The following OR2L5 variants were observed in gnomAD, a reference collection of about 807,000 sequenced individuals.
The protein encoded by OR2L5 is olfactory receptor 2L5.
For synonymous variants in OR2L5, 169 were observed against 142.0 expected (o/e 1.19, Z -1.35); for missense variants, 413 against 381.6 (o/e 1.08, Z -0.69).
Position 248,022,299 on chromosome 1 carries a change from G to A in OR2L5, c.352G>A (p.Ala118Thr), listed in dbSNP as rs1307773858. 1 of 1,614,130 alleles carries A rather than the reference G, an allele frequency of 6.2e-7. No individual in the cohort carries two copies. Among genetic ancestry groups the A allele is most frequent in the Admixed American group, 1.7e-5 (1 of 60,010 alleles). ...GAEALLLTSM[A>T]YDRYVAICFP... is the part of the protein sequence containing the mutation. ...AGAAGCGCTGCTCCTGACATCAATG[G>A]CCTATGATCGTTATGTGGCCATTTG... The change falls in exon 2 of 2, where the codon GCC (alanine) becomes ACC (threonine). Residue 118 changes from alanine to threonine, a missense_variant. By Grantham distance (58) the Ala-to-Thr change is moderately conservative (BLOSUM62 0). Transcript: ENST00000355281.
chr1:248,022,144 C>T lies in OR2L5; in HGVS notation c.197C>T (p.Ser66Phe). The change falls in exon 2 of 2, where the codon TCC becomes TTC. Residue 66 changes from serine to phenylalanine, a missense_variant. Ser to Phe is a radical substitution (Grantham distance 155). Coordinates refer to ENST00000355281, the MANE Select transcript of OR2L5 (RefSeq NM_001258284.2). ...TPMYFLLSQL[S>F]LIDLNYISTI... is the part of the protein sequence containing the mutation. The stretch of plus-strand genomic sequence containing the variant: ...ATGTATTTCCTGCTTAGTCAGCTCT[C>T]CCTCATTGACCTAAATTACATCTCT... 6.2e-7 allele frequency: 1 copy of T among 1,613,964 alleles called. No homozygotes were observed. The highest frequency in any genetic ancestry group is 8.5e-7 in the Non-Finnish European group (1 of 1,179,876).
intron 1 of OR2L5, among the ~76,000 whole-genome samples, chr1:248,019,726 C>CTCCT: frequency 6.7e-6 from 1 of 149,918 alleles, no homozygotes. Context: ...CGTCCTCCTC[C>CTCCT]TCCTTCCTTC....
chr1:248,016,726 G>A (rs1463963210), intron 1 of OR2L5, among the ~76,000 whole-genome samples: 6 of 151,602 alleles, frequency 4.0e-5, no homozygotes, highest in Non-Finnish European at 7.4e-5. Flanking sequence ...ATTTATATAT[G>A]TAACATATAT....
At position 248,021,928 on chromosome 1, in the gene OR2L5, A is replaced by T. The variant is rs757328502; in HGVS notation, c.-20A>T. The T allele has an allele frequency of 5.7e-6, 9 of 1,590,298 alleles. No homozygotes were observed. The highest frequency in any genetic ancestry group is 7.7e-6 in the Non-Finnish European group (9 of 1,162,956). Reference sequence around the variant, plus strand: ...ACTTACCCTTGTGTCTCCCTTCAGGAAGGATCGTATGAATGCCCCATGGAA... The same window carrying T: ...ACTTACCCTTGTGTCTCCCTTCAGGTAGGATCGTATGAATGCCCCATGGAA... On this transcript the variant is annotated splice_region_variant and 5_prime_UTR_variant, in exon 2 of 2. Transcript: ENST00000355281.
Position 248,023,494 on chromosome 1 carries a change from G to GACT in OR2L5, c.*608_*609insACT, listed in dbSNP as rs1439846577. On this transcript the variant is annotated 3_prime_UTR_variant, in exon 2 of 2. Transcript: ENST00000355281. The stretch of plus-strand genomic sequence containing the variant: ...TGACTTAGACTTAGTTGAATGTGGA[G>GACT]TAGGTTATTTGAACCATTCCCCAGT... The GACT allele has an allele frequency of 6.6e-6, 1 of 152,186 alleles. No homozygotes were observed. Among genetic ancestry groups the GACT allele is most frequent in the East Asian group, 1.9e-4 (1 of 5,196 alleles). The allele number at this position is 152,186 out of a possible 1,614,324, so 9.4% of individuals were successfully genotyped here. A position where few individuals can be genotyped will look rare whatever the true frequency, so the allele number is the denominator to read the frequency against.
chr1:248,020,423 C>T (rs1662308561), intron 1 of OR2L5, among the ~76,000 whole-genome samples: 1 of 152,118 alleles, frequency 6.6e-6, no homozygotes, highest in Non-Finnish European at 1.5e-5. Context: ...GTTCTATTCA[C>T]CAACAGCAGC....
At chr1:248,020,132 C>T (rs887721411) in intron 1 of OR2L5, among the ~76,000 whole-genome samples, 13 of 152,250 alleles carry the variant, frequency 8.5e-5, no homozygotes, top group African/African-American at 3.1e-4. Context: ...CAATGCCATA[C>T]TGTTTTGATT....
intron 1 of OR2L5, among the ~76,000 whole-genome samples, chr1:248,019,554 A>T (rs1662286985): frequency 6.6e-6 from 1 of 152,164 alleles, no homozygotes; most frequent in African/African-American, 2.4e-5. Flanking sequence ...TATATGGTGT[A>T]AAGTAAGCAT....
chr1:248,021,169 C>G (rs1398760176), intron 1 of OR2L5, among the ~76,000 whole-genome samples: 1 of 152,022 alleles, frequency 6.6e-6, no homozygotes, highest in East Asian at 1.9e-4. Flanking sequence ...TCAAACATTC[C>G]TATCCTTTTG....
Position 248,024,093 on chromosome 1 carries a change from C to CGTGCAGGTTTGTTACACAGGT in OR2L5, c.*1208_*1228dup, listed in dbSNP as rs1662415926. 1 of 151,846 alleles carries CGTGCAGGTTTGTTACACAGGT rather than the reference C, an allele frequency of 6.6e-6. No individual in the cohort carries two copies. 9.4% of individuals were successfully genotyped at this position (151,846 alleles called of 1,614,324 possible). A position where few individuals can be genotyped will look rare whatever the true frequency, so the allele number is the denominator to read the frequency against. On this transcript the variant is annotated 3_prime_UTR_variant, in exon 2 of 2. Transcript: ENST00000355281. Reference sequence around the variant, plus strand: ...GGGGTTCTGGCATATGTGAGCAGAACGTGCAGGTTTGTTACACAGGTATAC... The same window carrying CGTGCAGGTTTGTTACACAGGT: ...GGGGTTCTGGCATATGTGAGCAGAACGTGCAGGTTTGTTACACAGGTGTGCAGGTTTGTTACACAGGTATAC...
intron 1 of OR2L5, among the ~76,000 whole-genome samples, chr1:248,014,608 T>G (rs1437253983): frequency 1.3e-5 from 2 of 152,150 alleles, no homozygotes; most frequent in Non-Finnish European, 2.9e-5. Context: ...GAAGGCTATA[T>G]TACTCTACAG....
chr1:248,021,887 G>T (rs1662343373), intron 1 of OR2L5, 40 bp from the exon 2 acceptor site: 5 of 1,352,702 alleles, frequency 3.7e-6, no homozygotes, highest in Non-Finnish European at 4.1e-6. Context: ...CAGATAATGG[G>T]GAACTACTGT....
chr1:248,015,151 G>C (rs1662160258), intron 1 of OR2L5, among the ~76,000 whole-genome samples: 1 of 152,186 alleles, frequency 6.6e-6, no homozygotes, highest in South Asian at 2.1e-4. Flanking sequence ...ACCTTAAAGA[G>C]TTGTGGTTCT....
chr1:248,017,420 T>A (rs891877861), intron 1 of OR2L5, among the ~76,000 whole-genome samples: 4 of 152,160 alleles, frequency 2.6e-5, no homozygotes, highest in Admixed American at 6.5e-5. Flanking sequence ...ATCAAAGAGA[T>A]GCTACACTGG....
At position 248,023,348 on chromosome 1, in the gene OR2L5, A is replaced by T. The variant is rs1223212618; in HGVS notation, c.*462A>T. The T allele has an allele frequency of 6.6e-6, 1 of 152,430 alleles. No individual in the cohort carries two copies. The highest frequency in any genetic ancestry group is 2.4e-5 in the African/African-American group (1 of 41,444). The allele number at this position is 152,430 out of a possible 1,614,324, so 9.4% of individuals were successfully genotyped here. A position where few individuals can be genotyped will look rare whatever the true frequency, so the allele number is the denominator to read the frequency against. On this transcript the variant is annotated 3_prime_UTR_variant, in exon 2 of 2. Coordinates refer to ENST00000355281, the MANE Select transcript of OR2L5 (RefSeq NM_001258284.2). ...TTGCTAAAGTAATGATTTATTAATA[A>T]ATTTACCTCAGGATAAATAAGTATG...
intron 1 of OR2L5, among the ~76,000 whole-genome samples, chr1:248,014,753 A>T (rs1267280553): frequency 6.6e-6 from 1 of 152,170 alleles, no homozygotes; most frequent in East Asian, 1.9e-4. Context: ...CACGGTCACT[A>T]TGTCACAGAC....
Position 248,023,008 on chromosome 1 carries a change from C to A in OR2L5, c.*122C>A. 1 of 946,002 alleles carries A rather than the reference C, an allele frequency of 1.1e-6. No individual in the cohort carries two copies. The highest frequency in any genetic ancestry group is 2.8e-5 in the Admixed American group (1 of 35,380). The allele number at this position is 946,002 out of a possible 1,614,324, so 58.6% of individuals were successfully genotyped here. A position where few individuals can be genotyped will look rare whatever the true frequency, so the allele number is the denominator to read the frequency against. On this transcript the variant is annotated 3_prime_UTR_variant, in exon 2 of 2. Transcript: ENST00000355281. The stretch of plus-strand genomic sequence containing the variant: ...ACAGAGATTAATCCAGAATGTTTGT[C>A]TTTTAATTTAGTCTTGACATTATAG...
chr1:248,016,447 A>G (rs1276714307), intron 1 of OR2L5, among the ~76,000 whole-genome samples: 1 of 152,200 alleles, frequency 6.6e-6, no homozygotes, highest in Non-Finnish European at 1.5e-5. Context: ...CAAGGAAAGT[A>G]CAATAAAACC....
At chr1:248,020,778 TC>T (rs1662315860) in intron 1 of OR2L5, among the ~76,000 whole-genome samples, 1 of 151,944 alleles carries the variant, frequency 6.6e-6, no homozygotes, top group African/African-American at 2.4e-5. Flanking sequence ...TATATAACTT[TC>T]ATTTATTTCA....
Sources: gnomAD v4.1 joint callset for allele counts (sites outside exome capture counted in the v4.1 genomes callset) on GRCh38, gnomAD v4.1.1 for gene constraint, MANE v1.5 for transcripts, NCBI Gene and HGNC (gene_info 2026-07-23, HGNC 2026-07-21) for gene names.